The following COLEC12 variants were observed in gnomAD, a reference collection of about 807,000 sequenced individuals.
COLEC12 encodes collectin subfamily member 12, also known as collectin-12.
Under a neutral mutation model 71.1 loss-of-function variants are expected in COLEC12, and 33 were observed. That is an observed-to-expected ratio of 0.46 (90% CI 0.35 to 0.62). COLEC12 has a LOEUF of 0.62. Ranked by LOEUF, COLEC12 falls within the 20% of genes least tolerant of loss-of-function variation. The pLI, the probability that COLEC12 is intolerant of heterozygous loss-of-function variation, is 0.00. For missense variants in COLEC12, 765 were observed against 916.1 expected, an observed-to-expected ratio of 0.84 and a Z score of 2.13; for synonymous variants, 350 against 353.0, an observed-to-expected ratio of 0.99 and a Z score of 0.10.
Position 500,350 on chromosome 18 carries a change from C to T in COLEC12, c.7+158G>A, listed in dbSNP as rs991247339. 1.3e-5 allele frequency among the ~76,000 whole-genome samples: 2 copies of T among 151,990 alleles called. No individual in the cohort carries two copies. The highest frequency in any genetic ancestry group is 2.9e-5 in the Non-Finnish European group (2 of 67,976). On this transcript the variant is annotated intron_variant, in intron 1 of 9. Coordinates refer to ENST00000400256, the MANE Select transcript of COLEC12 (RefSeq NM_130386.3). The surrounding 1 kb of genome is among the most constrained non-coding windows in gnomAD (Gnocchi z 5.3). ...CGCCTGACCCGGGAGCCGGGTGCGC[C>T]CCCAGTGTCCGCGCACGAACCCGGC... is the stretch of plus-strand genomic sequence containing the variant.
chr18:361,187 C>T (rs902797290), intron 2 of COLEC12, among the ~76,000 whole-genome samples: 1 of 152,132 alleles, frequency 6.6e-6, no homozygotes, highest in African/African-American at 2.4e-5. Flanking sequence ...TGAGCTAGAT[C>T]CCTTACACAC....
chr18:499,649 G>A (rs1917780887), intron 1 of COLEC12, among the ~76,000 whole-genome samples: 1 of 152,224 alleles, frequency 6.6e-6, no homozygotes, highest in African/African-American at 2.4e-5. Flanking sequence ...GCCCATTCCT[G>A]AACGACTCTT....
At chr18:490,989 A>G (rs1199206671) in intron 1 of COLEC12, among the ~76,000 whole-genome samples, 6 of 152,142 alleles carry the variant, frequency 3.9e-5, no homozygotes, top group Non-Finnish European at 8.8e-5. Context: ...ATTTGTCATT[A>G]CTCTTAGAAC....
chr18:437,545 T>C (rs1337651416), intron 2 of COLEC12, among the ~76,000 whole-genome samples: 1 of 152,202 alleles, frequency 6.6e-6, no homozygotes, highest in Non-Finnish European at 1.5e-5. Context: ...AATGACGAAC[T>C]TGCAGTCATC....
chr18:389,910 C>T (rs1420453117), intron 2 of COLEC12, among the ~76,000 whole-genome samples: 2 of 152,200 alleles, frequency 1.3e-5, no homozygotes, highest in Non-Finnish European at 2.9e-5. Flanking sequence ...CAGATCTGGC[C>T]ACAAAGGCAA....
At chr18:488,659 G>A (rs1917563185) in intron 1 of COLEC12, among the ~76,000 whole-genome samples, 1 of 151,930 alleles carries the variant, frequency 6.6e-6, no homozygotes, top group Non-Finnish European at 1.5e-5. Context: ...GATCACCTGA[G>A]GTCAGGAGTT....
intron 2 of COLEC12, among the ~76,000 whole-genome samples, chr18:463,754 T>C (rs373225255): frequency 6.6e-6 from 1 of 152,184 alleles, no homozygotes; most frequent in Non-Finnish European, 1.5e-5. Context: ...ATCACCAGCT[T>C]ATTCACCGGT....
rs557442069 is a variant in COLEC12 at position 327,683 on chromosome 18, G to A, written c.2063+3985C>T. On this transcript the variant is annotated intron_variant, in intron 8 of 9. Transcript: ENST00000400256. The surrounding 1 kb of genome is among the most constrained non-coding windows in gnomAD (Gnocchi z 4.0). ...CAGAGGAGAGAGCCTTTTATCCCTC[G>A]TCTATTTGCTCTTTAACAGTAACCA... Among the ~76,000 whole-genome samples, 3 of 152,284 alleles carry A rather than the reference G, an allele frequency of 2.0e-5. No homozygotes were observed. Among genetic ancestry groups the A allele is most frequent in the African/African-American group, 7.2e-5 (3 of 41,548 alleles).
intron 2 of COLEC12, among the ~76,000 whole-genome samples, chr18:368,366 A>G (rs1355834484): frequency 6.6e-6 from 1 of 152,154 alleles, no homozygotes; most frequent in East Asian, 1.9e-4. Flanking sequence ...TGAGGTCAGG[A>G]GTTTGAGACC....
intron 2 of COLEC12, among the ~76,000 whole-genome samples, chr18:398,868 A>G (rs918507941): frequency 2.6e-5 from 4 of 152,248 alleles, no homozygotes; most frequent in Non-Finnish European, 4.4e-5. Flanking sequence ...CACGTTCCAC[A>G]TGCTGCTTCT....
chr18:456,956 C>T (rs72865631), intron 2 of COLEC12, among the ~76,000 whole-genome samples: 12,683 of 152,244 alleles, frequency 0.083, 583 homozygotes, highest in South Asian at 0.099. Flanking sequence ...CCAGCCCTCC[C>T]ACTTCTCGGC....
intron 2 of COLEC12, among the ~76,000 whole-genome samples, chr18:472,893 A>G (rs1191978496): frequency 2.6e-5 from 4 of 151,790 alleles, no homozygotes; most frequent in Non-Finnish European, 4.4e-5. Context: ...GGAGACCTGG[A>G]GCACCTGGGA....
At chr18:320,951 C>T (rs1014068372) in intron 9 of COLEC12, among the ~76,000 whole-genome samples, 1 of 152,230 alleles carries the variant, frequency 6.6e-6, no homozygotes, top group African/African-American at 2.4e-5. Flanking sequence ...ATCACAGGAT[C>T]TGGCCTATAG....
Position 346,515 on chromosome 18 carries a change from G to A in COLEC12, c.1107C>T (p.Thr369=). Residue 369 remains threonine, a synonymous_variant, in exon 5 of 10, where the codon ACC becomes ACT. Coordinates refer to ENST00000400256, the MANE Select transcript of COLEC12 (RefSeq NM_130386.3). The surrounding 1 kb of genome is among the most constrained non-coding windows in gnomAD (Gnocchi z 4.0). ...GTTTGGTAAGGGTATCTGTGCAAGT[G>A]GTCCTGACTTCATTTAGATTGCTGG... ...TLTSNLNEVR[T]TCTDTLTKHT... The A allele has an allele frequency of 1.2e-6, 2 of 1,614,136 alleles. No homozygotes were observed. The highest frequency in any genetic ancestry group is 1.7e-6 in the Non-Finnish European group (2 of 1,179,988).
chr18:435,489 T>C lies in COLEC12; in HGVS notation c.58+45218A>G, dbSNP rs139912689. 2.3e-3 allele frequency among the ~76,000 whole-genome samples: 352 copies of C among 152,276 alleles called. 2 individuals carry two copies. The highest frequency in any genetic ancestry group is 8.1e-3 in the African/African-American group (335 of 41,546). ...TGGGGAAACCGCCCCCATGATTCAA[T>C]TACCTCCAGCTGGTCCCACCCTTGA... is the stretch of plus-strand genomic sequence containing the variant. On this transcript the variant is annotated intron_variant, in intron 2 of 9. Transcript: ENST00000400256.
intron 2 of COLEC12, among the ~76,000 whole-genome samples, chr18:438,013 A>T (rs1224540683): frequency 1.3e-5 from 2 of 152,240 alleles, no homozygotes; most frequent in Non-Finnish European, 2.9e-5. Context: ...AGTCAATTAT[A>T]ATTCAGCTCT....
intron 2 of COLEC12, among the ~76,000 whole-genome samples, chr18:467,442 G>C (rs1252626851): frequency 1.3e-5 from 2 of 152,150 alleles, no homozygotes; most frequent in Non-Finnish European, 2.9e-5. Flanking sequence ...CTTAAGAAGG[G>C]GCACAGCTAA....
chr18:325,534 C>T (rs899429546), intron 8 of COLEC12, among the ~76,000 whole-genome samples: 5 of 151,526 alleles, frequency 3.3e-5, no homozygotes, highest in Admixed American at 2.6e-4. Flanking sequence ...GTCCGGCTCC[C>T]GCAGGTCTAG....
At chr18:407,629 C>T (rs1271301129) in intron 2 of COLEC12, among the ~76,000 whole-genome samples, 1 of 152,154 alleles carries the variant, frequency 6.6e-6, no homozygotes, top group Admixed American at 6.5e-5. Context: ...TGAAACCCAC[C>T]CGCATTAGGG....
Sources: gnomAD v4.1 joint callset for allele counts (sites outside exome capture counted in the v4.1 genomes callset) on GRCh38, gnomAD v4.1.1 for gene constraint, Gnocchi (gnomAD v3.1) non-coding constraint, MANE v1.5 for transcripts, NCBI Gene and HGNC (gene_info 2026-07-23, HGNC 2026-07-21) for gene names.